TXNRD2: variants seen among roughly 807,000 people sequenced by gnomAD.
The protein encoded by TXNRD2 is thioredoxin reductase 2, mitochondrial.
In TXNRD2, 67 loss-of-function variants were observed where a neutral mutation model predicts 70.8. That is an observed-to-expected ratio of 0.95 (90% CI 0.78 to 1.16). The LOEUF (loss-of-function observed/expected upper bound fraction) is 1.16. TXNRD2 is among the 50% of genes most tolerant of loss of function. The probability of loss-of-function intolerance (pLI) is 0.00; values close to 1 mark genes in which losing one functional copy is unlikely to be tolerated. For synonymous variants in TXNRD2, 301 were observed against 295.8 expected, an observed-to-expected ratio of 1.02 and a Z score of -0.18; for missense variants, 644 against 719.9, an observed-to-expected ratio of 0.89 and a Z score of 1.21.
At chr22:19,909,758 CCTTCACACACA>C (rs1940273621) in intron 8 of TXNRD2, among the ~76,000 whole-genome samples, 1 of 126,968 alleles carries the variant, frequency 7.9e-6, no homozygotes, top group Non-Finnish European at 1.7e-5. Flanking sequence ...ACACCCACAC[CCTTCACACACA>C]CACACCACAC....
chr22:19,927,057 G>C lies in TXNRD2; in HGVS notation c.172+3973C>G, dbSNP rs577971133. Among the ~76,000 whole-genome samples, 6 of 152,212 alleles carry C rather than the reference G, an allele frequency of 3.9e-5. No individual in the cohort carries two copies. In the East Asian group the frequency reaches 1.2e-3, roughly 29 times the overall value. The stretch of plus-strand genomic sequence containing the variant: ...ACCTGTAATCCCAACACTTTGGAAG[G>C]CCAAGGTGGGCGGATCACCTGAGGT... On this transcript the variant is annotated intron_variant, in intron 2 of 17. Transcript: ENST00000400521.
chr22:19,883,423 C>G lies in TXNRD2; in HGVS notation c.988G>C (p.Ala330Pro), dbSNP rs760512782. ...GTGTCGGGGCTAGTATCTACCCCAG[C>G]CTTCTCCAAATTCAGACTTCTGGTG... ...PDTRSLNLEK[A>P]GVDTSPDTQK... The change falls in exon 12 of 18, where the codon GCT becomes CCT. Residue 330 changes from alanine to proline, a missense_variant. Ala to Pro is a conservative substitution (Grantham distance 27). Around this residue, in one of 3 missense-constraint regions of TXNRD2, gnomAD observed 566 missense variants for 645.0 expected, o/e 0.88. Coordinates refer to ENST00000400521, the MANE Select transcript of TXNRD2 (RefSeq NM_006440.5). 8.7e-6 allele frequency: 14 copies of G among 1,613,932 alleles called. No individual in the cohort carries two copies. Among genetic ancestry groups the G allele is most frequent in the Non-Finnish European group, 1.2e-5 (14 of 1,180,044 alleles).
chr22:19,893,749 G>A (rs560421561), intron 11 of TXNRD2, among the ~76,000 whole-genome samples: 3 of 152,316 alleles, frequency 2.0e-5, no homozygotes, highest in East Asian at 3.9e-4. Flanking sequence ...GCCGGGAAAC[G>A]CCCAGGCCTC....
chr22:19,899,738 A>G (rs1939686953), intron 8 of TXNRD2, among the ~76,000 whole-genome samples: 1 of 152,246 alleles, frequency 6.6e-6, no homozygotes, highest in South Asian at 2.1e-4. Flanking sequence ...ATGTGCACAC[A>G]TGCCACACAC....
chr22:19,880,457 T>C (rs1214750297), intron 13 of TXNRD2, among the ~76,000 whole-genome samples, 165 bp downstream of exon 13: 3 of 152,176 alleles, frequency 2.0e-5, no homozygotes, highest in Admixed American at 6.5e-5. Flanking sequence ...CACACACCCA[T>C]GCATGCACAC....
intron 7 of TXNRD2, among the ~76,000 whole-genome samples, chr22:19,914,341 T>G (rs923241030): frequency 2.0e-5 from 3 of 152,204 alleles, no homozygotes; most frequent in African/African-American, 7.2e-5. Context: ...AAAGTGGAAA[T>G]AACACATGTG....
intron 11 of TXNRD2, among the ~76,000 whole-genome samples, chr22:19,885,250 T>A (rs559291240): frequency 6.6e-6 from 1 of 152,300 alleles, no homozygotes; most frequent in Admixed American, 6.5e-5. Flanking sequence ...CTCAGGATGA[T>A]CCACCAATGG....
intron 11 of TXNRD2, 99 bp from the exon 12 acceptor site, chr22:19,883,560 G>A (rs994414054): frequency 7.7e-6 from 12 of 1,548,876 alleles, no homozygotes; most frequent in East Asian, 4.5e-5. Flanking sequence ...CTTAGAGACC[G>A]GGTGCAGTGG....
chr22:19,885,631 G>A (rs375266942), intron 11 of TXNRD2, among the ~76,000 whole-genome samples: 4 of 152,176 alleles, frequency 2.6e-5, no homozygotes, highest in East Asian at 1.9e-4. Flanking sequence ...CCTGCAGGCC[G>A]GGGGCTCACG....
At chr22:19,878,291 T>C in intron 15 of TXNRD2, 75 bp downstream of exon 15, 1 of 1,599,224 alleles carries the variant, frequency 6.3e-7, no homozygotes, top group Non-Finnish European at 8.6e-7. Context: ...GGGCCAGTCC[T>C]CGGGTGTTCA....
At chr22:19,898,551 G>T (rs530048119) in intron 9 of TXNRD2, among the ~76,000 whole-genome samples, 16 of 115,852 alleles carry the variant, frequency 1.4e-4, no homozygotes, top group Non-Finnish European at 2.3e-4. Context: ...GTCTCATTCT[G>T]TTGCCTAGGC....
intron 8 of TXNRD2, among the ~76,000 whole-genome samples, chr22:19,903,375 G>A (rs1000000000): frequency 7.9e-5 from 12 of 152,250 alleles, no homozygotes; most frequent in African/African-American, 2.4e-4. Context: ...TTTGCAGAAA[G>A]CGGACCTACA....
At chr22:19,891,114 C>T (rs925720194) in intron 11 of TXNRD2, among the ~76,000 whole-genome samples, 2 of 152,248 alleles carry the variant, frequency 1.3e-5, no homozygotes, top group African/African-American at 2.4e-5. Flanking sequence ...CTGGTTTACA[C>T]ACAGGTGGAC....
rs552910679 is a variant in TXNRD2, at chr22:19,918,133, G to C, written c.449+10C>G. ...AGAGGGCGGCCCATTCCCGGAGAGAGCTTCAGTACCTGTCCTGAAGCTGGA... is the reference window on the plus strand; with the variant it reads ...AGAGGGCGGCCCATTCCCGGAGAGACCTTCAGTACCTGTCCTGAAGCTGGA... On this transcript the variant is annotated intron_variant, in intron 5 of 17. Coordinates refer to ENST00000400521, the MANE Select transcript of TXNRD2 (RefSeq NM_006440.5). 12 of 1,613,718 alleles carry C rather than the reference G, an allele frequency of 7.4e-6. No homozygotes were observed. The East Asian group carries it at 2.7e-4, about 36-fold the overall frequency.
intron 8 of TXNRD2, among the ~76,000 whole-genome samples, chr22:19,907,904 C>A (rs10222205): frequency 0.18 from 5,491 of 30,454 alleles, 1,301 homozygotes; most frequent in East Asian, 0.52. Context: ...TAGCAGTGAC[C>A]GCTCTCAGGA....
chr22:19,919,955 C>T lies in TXNRD2; in HGVS notation c.173-356G>A, dbSNP rs113896230. 1.8e-3 allele frequency among the ~76,000 whole-genome samples: 275 copies of T among 152,296 alleles called. 1 individual carries two copies. Among genetic ancestry groups the T allele is most frequent in the African/African-American group, 5.9e-3 (247 of 41,560 alleles). ...AGCCCCACCTGCCCCTGCATGTTCACGTTCACCATAAGCCCAGTGCCCACC... is the reference window on the plus strand; with the variant it reads ...AGCCCCACCTGCCCCTGCATGTTCATGTTCACCATAAGCCCAGTGCCCACC... On this transcript the variant is annotated intron_variant, in intron 2 of 17. Transcript: ENST00000400521.
At chr22:19,889,569 T>G (rs1383680911) in intron 11 of TXNRD2, among the ~76,000 whole-genome samples, 2 of 152,136 alleles carry the variant, frequency 1.3e-5, no homozygotes, top group East Asian at 3.9e-4. Context: ...CAGATCGCGC[T>G]CCTGCACTCC....
chr22:19,917,993 C>T, intron 5 of TXNRD2, 150 bp downstream of exon 5: 2 of 700,346 alleles, frequency 2.9e-6, no homozygotes, highest in East Asian at 2.7e-5. Flanking sequence ...CTCCCATCTG[C>T]TCCTTGTCCT....
At chr22:19,915,994 T>C (rs1231581334) in intron 5 of TXNRD2, 151 bp from the exon 6 acceptor site, 4 of 694,598 alleles carry the variant, frequency 5.8e-6, no homozygotes, top group Non-Finnish European at 1.0e-5. Flanking sequence ...GCGGCAACCA[T>C]GCTGAGAAGC....
Sources: allele counts gnomAD v4.1 joint callset (sites outside exome capture counted in the v4.1 genomes callset), GRCh38; gene constraint gnomAD v4.1.1; regional missense constraint gnomAD v4.1.1; transcripts MANE v1.5; gene names NCBI Gene and HGNC (gene_info 2026-07-23, HGNC 2026-07-21).